The following ST6GALNAC5 variants were observed in gnomAD, a reference collection of about 807,000 sequenced individuals.
ST6GALNAC5 encodes the protein alpha-N-acetylgalactosaminide alpha-2,6-sialyltransferase 5.
In ST6GALNAC5, 27 loss-of-function variants were observed where a neutral mutation model predicts 33.6. That is an observed-to-expected ratio of 0.80 (90% CI 0.59 to 1.11). The LOEUF is 1.11. Among genes scored for constraint, ST6GALNAC5 ranks in the 50% least tolerant of loss-of-function variants. The probability of loss-of-function intolerance (pLI) is 0.00; values close to 1 mark genes in which losing one functional copy is unlikely to be tolerated. For synonymous variants in ST6GALNAC5, 194 were observed against 171.2 expected, an observed-to-expected ratio of 1.13 and a Z score of -1.04; for missense variants, 428 against 454.0, an observed-to-expected ratio of 0.94 and a Z score of 0.52.
intron 2 of ST6GALNAC5, among the ~76,000 whole-genome samples, chr1:77,028,221 A>C (rs1387722492): frequency 6.6e-6 from 1 of 152,226 alleles, no homozygotes; most frequent in Non-Finnish European, 1.5e-5. Flanking sequence ...AGCACAAAAG[A>C]AGAATGTGAC....
At chr1:76,906,641 T>C (rs1646866601) in intron 2 of ST6GALNAC5, among the ~76,000 whole-genome samples, 1 of 152,186 alleles carries the variant, frequency 6.6e-6, no homozygotes, top group African/African-American at 2.4e-5. Flanking sequence ...ATTGATAACA[T>C]AGGGTATAAA....
chr1:76,880,197 T>C (rs777906714), intron 2 of ST6GALNAC5, among the ~76,000 whole-genome samples: 10 of 152,214 alleles, frequency 6.6e-5, no homozygotes, highest in Admixed American at 2.6e-4. Context: ...CCTTGCCTCT[T>C]AGGAGCGGTG....
chr1:77,035,057 G>A (rs1175398672), intron 2 of ST6GALNAC5, among the ~76,000 whole-genome samples: 1 of 152,156 alleles, frequency 6.6e-6, no homozygotes, highest in African/African-American at 2.4e-5. Flanking sequence ...AGAAGCACTG[G>A]AGGGCTTGGG....
Position 76,930,742 on chromosome 1 carries a change from T to C in ST6GALNAC5, c.261+62000T>C, listed in dbSNP as rs531376428. Reference sequence around the variant, plus strand: ...TTACAGAGTGGATTCTTTGGATCCATTGAAGAGCATTGTCAGCAGCCATCC... The same window carrying C: ...TTACAGAGTGGATTCTTTGGATCCACTGAAGAGCATTGTCAGCAGCCATCC... On this transcript the variant is annotated intron_variant, in intron 2 of 4. Coordinates refer to ENST00000477717, the MANE Select transcript of ST6GALNAC5 (RefSeq NM_030965.3). Among the ~76,000 whole-genome samples, 4 of 152,252 alleles carry C rather than the reference T, an allele frequency of 2.6e-5. No individual in the cohort carries two copies. The South Asian group carries it at 8.3e-4, about 32-fold the overall frequency.
At chr1:76,937,351 C>T (rs1283140297) in intron 2 of ST6GALNAC5, among the ~76,000 whole-genome samples, 3 of 151,884 alleles carry the variant, frequency 2.0e-5, no homozygotes, top group Non-Finnish European at 4.4e-5. Flanking sequence ...TGTGACAGAT[C>T]ACTCAAAACT....
At chr1:76,911,806 C>T (rs971957068) in intron 2 of ST6GALNAC5, among the ~76,000 whole-genome samples, 6 of 151,948 alleles carry the variant, frequency 3.9e-5, no homozygotes, top group African/African-American at 1.5e-4. Flanking sequence ...CTATTTGATT[C>T]TTCTCTCTTT....
chr1:77,043,403 ACTTTGC>A (rs1651897333), intron 2 of ST6GALNAC5, among the ~76,000 whole-genome samples: 1 of 152,202 alleles, frequency 6.6e-6, no homozygotes, highest in South Asian at 2.1e-4. Context: ...CCTGGCCAGA[ACTTTGC>A]CATGATGCGT....
Position 77,001,733 on chromosome 1 carries a change from A to G in ST6GALNAC5, c.262-42471A>G, listed in dbSNP as rs58403145. Among the ~76,000 whole-genome samples, 1,339 of 150,488 alleles carry G rather than the reference A, an allele frequency of 8.9e-3. 20 individuals carry two copies. The highest frequency in any genetic ancestry group is 0.031 in the African/African-American group (1,263 of 41,064). On this transcript the variant is annotated intron_variant, in intron 2 of 4. Coordinates refer to ENST00000477717, the MANE Select transcript of ST6GALNAC5 (RefSeq NM_030965.3). ...GAATTTTGTCAAAGGCTTTTTCTGCATCTATTGAGATAATCATGTGGTTTT... is the reference window on the plus strand; with the variant it reads ...GAATTTTGTCAAAGGCTTTTTCTGCGTCTATTGAGATAATCATGTGGTTTT...
At chr1:76,939,830 T>C (rs949023497) in intron 2 of ST6GALNAC5, among the ~76,000 whole-genome samples, 19 of 152,246 alleles carry the variant, frequency 1.2e-4, no homozygotes, top group African/African-American at 4.1e-4. Flanking sequence ...ATGGAACTTA[T>C]AGTCCAGCAA....
At chr1:76,922,907 G>T (rs1647048240) in intron 2 of ST6GALNAC5, among the ~76,000 whole-genome samples, 1 of 149,914 alleles carries the variant, frequency 6.7e-6, no homozygotes, top group South Asian at 2.1e-4. Context: ...CTACACTCCC[G>T]CCTAGGTGAC....
chr1:76,889,053 C>T (rs749372226), intron 2 of ST6GALNAC5, among the ~76,000 whole-genome samples: 6 of 152,084 alleles, frequency 3.9e-5, no homozygotes, highest in Non-Finnish European at 5.9e-5. Flanking sequence ...CCTTGACCAA[C>T]ATCTTCCCAG....
intron 2 of ST6GALNAC5, among the ~76,000 whole-genome samples, chr1:76,894,427 G>T (rs890947552): frequency 1.3e-5 from 2 of 152,072 alleles, no homozygotes; most frequent in African/African-American, 4.8e-5. Context: ...TCAGCCAAGT[G>T]TAGGTAATGA....
intron 2 of ST6GALNAC5, among the ~76,000 whole-genome samples, chr1:76,880,217 T>C (rs537194612): frequency 6.6e-6 from 1 of 152,192 alleles, no homozygotes; most frequent in Non-Finnish European, 1.5e-5. Flanking sequence ...GAATCAGGAG[T>C]GTCAAATGCA....
chr1:76,874,333 A>G (rs1177397311), intron 2 of ST6GALNAC5, among the ~76,000 whole-genome samples: 2 of 152,186 alleles, frequency 1.3e-5, no homozygotes, highest in Non-Finnish European at 2.9e-5. Context: ...ACCTTCTTGA[A>G]TGTCTCTGTA....
intron 4 of ST6GALNAC5, among the ~76,000 whole-genome samples, chr1:77,055,077 A>G (rs999196483): frequency 6.6e-6 from 1 of 151,696 alleles, no homozygotes; most frequent in African/African-American, 2.4e-5. Context: ...CTCTCCAAAC[A>G]TGACTGCCTT....
chr1:77,012,905 G>C (rs1002840650), intron 2 of ST6GALNAC5, among the ~76,000 whole-genome samples: 8 of 152,164 alleles, frequency 5.3e-5, no homozygotes, highest in Non-Finnish European at 1.0e-4. Flanking sequence ...TGTTTCCATA[G>C]ACATGTTTGA....
chr1:76,870,455 C>T (rs1192076390), intron 2 of ST6GALNAC5, among the ~76,000 whole-genome samples: 2 of 152,154 alleles, frequency 1.3e-5, no homozygotes, highest in Admixed American at 1.3e-4. Flanking sequence ...TAATACTTTT[C>T]TTCCTGTGTT....
chr1:76,942,565 A>G (rs1048842231), intron 2 of ST6GALNAC5, among the ~76,000 whole-genome samples: 1 of 152,116 alleles, frequency 6.6e-6, no homozygotes, highest in Non-Finnish European at 1.5e-5. Context: ...GGGGCACAGA[A>G]CAGATATGGT....
chr1:77,013,382 A>G (rs1650711813), intron 2 of ST6GALNAC5, among the ~76,000 whole-genome samples: 1 of 152,336 alleles, frequency 6.6e-6, no homozygotes, highest in Non-Finnish European at 1.5e-5. Context: ...AGGGGCTGAT[A>G]CTTCTCAAGT....
Sources: gnomAD v4.1 joint callset for allele counts (sites outside exome capture counted in the v4.1 genomes callset) on GRCh38, gnomAD v4.1.1 for gene constraint, MANE v1.5 for transcripts, NCBI Gene and HGNC (gene_info 2026-07-23, HGNC 2026-07-21) for gene names.